Variants in MAD1L1 observed in about 807,000 individuals in gnomAD.
MAD1L1 encodes the protein mitotic arrest deficient 1 like 1.
A neutral mutation model predicts 96.9 loss-of-function variants in MAD1L1; 95 were observed. The observed-to-expected ratio is 0.98, with a 90% CI of 0.83 to 1.16. MAD1L1 has a LOEUF of 1.16. Among genes scored for constraint, MAD1L1 ranks in the 50% most tolerant of loss-of-function variants. MAD1L1 has a pLI of 0.00. For missense variants in MAD1L1, 1,007 were observed against 954.4 expected (o/e 1.06, Z -0.73); for synonymous variants, 473 against 396.6 (o/e 1.19, Z -2.29).
At chr7:1,929,744 C>A (rs1366457506) in intron 17 of MAD1L1, among the ~76,000 whole-genome samples, 1 of 141,846 alleles carries the variant, frequency 7.0e-6, no homozygotes, top group African/African-American at 2.5e-5. Flanking sequence ...CACGTCCCCT[C>A]GCCCCGTCCC....
chr7:2,125,105 C>T (rs951426682), intron 11 of MAD1L1, among the ~76,000 whole-genome samples: 2 of 152,226 alleles, frequency 1.3e-5, no homozygotes, highest in Non-Finnish European at 2.9e-5. Flanking sequence ...GCTGTCAGGG[C>T]TGCACTTTAC....
rs557974698 is a variant in MAD1L1, at chr7:2,041,595, C to T, written c.1219-26953G>A. 2.0e-5 allele frequency among the ~76,000 whole-genome samples: 3 copies of T among 152,290 alleles called. No individual in the cohort carries two copies. The East Asian group carries it at 5.8e-4, about 29-fold the overall frequency. ...CAGCTCTGTCCCCTGCTGTCAGCAG[C>T]GACTGAATAAAATCTGTTTTCTCCA... On this transcript the variant is annotated intron_variant, in intron 12 of 18. Coordinates refer to ENST00000265854, the MANE Select transcript of MAD1L1 (RefSeq NM_001013836.2).
intron 18 of MAD1L1, among the ~76,000 whole-genome samples, chr7:1,820,885 T>C (rs1782086538): frequency 6.6e-6 from 1 of 151,978 alleles, no homozygotes; most frequent in African/African-American, 2.4e-5. Flanking sequence ...ATCAAGACCA[T>C]CCTGGCTAAC....
intron 17 of MAD1L1, among the ~76,000 whole-genome samples, chr7:1,928,770 G>A (rs527471098): frequency 2.6e-5 from 4 of 152,332 alleles, no homozygotes; most frequent in African/African-American, 7.2e-5. Flanking sequence ...CGTAAACACA[G>A]GCCTGTGCCA....
At position 1,981,359 on chromosome 7, in the gene MAD1L1, C is replaced by T. The variant is rs139485487; in HGVS notation, c.1417-818G>A. Among the ~76,000 whole-genome samples, 620 of 152,262 alleles carry T rather than the reference C, an allele frequency of 4.1e-3. 5 individuals carry two copies. Among genetic ancestry groups the T allele is most frequent in the African/African-American group, 0.014 (567 of 41,548 alleles). On this transcript the variant is annotated intron_variant, in intron 14 of 18. Coordinates refer to ENST00000265854, the MANE Select transcript of MAD1L1 (RefSeq NM_001013836.2). Reference sequence around the variant, plus strand: ...GGAGGCCAGGAGCCAGAACGGACTGCGGGCTCAAGGAAGAGCAGGGCACAG... The same window carrying T: ...GGAGGCCAGGAGCCAGAACGGACTGTGGGCTCAAGGAAGAGCAGGGCACAG...
intron 17 of MAD1L1, among the ~76,000 whole-genome samples, chr7:1,936,325 C>T (rs1305523332): frequency 6.6e-6 from 1 of 152,246 alleles, no homozygotes; most frequent in African/African-American, 2.4e-5. Context: ...ATGAAGCACA[C>T]TTAAGCTGGT....
intron 5 of MAD1L1, among the ~76,000 whole-genome samples, chr7:2,219,701 G>GGGAGCAGA (rs1793492796): frequency 3.3e-5 from 5 of 150,964 alleles, no homozygotes; most frequent in Non-Finnish European, 7.4e-5. Context: ...AGAGGAGCAG[G>GGGAGCAGA]GGAGCAGAGG....
chr7:1,875,129 G>C (rs1055397484), intron 18 of MAD1L1, among the ~76,000 whole-genome samples: 3 of 152,130 alleles, frequency 2.0e-5, no homozygotes, highest in African/African-American at 7.2e-5. Flanking sequence ...GACGACTAAC[G>C]AGCAGCTCCC....
At chr7:2,183,506 T>C (rs1488118402) in intron 10 of MAD1L1, among the ~76,000 whole-genome samples, 7 of 152,150 alleles carry the variant, frequency 4.6e-5, no homozygotes, top group African/African-American at 1.4e-4. Context: ...CCAACCCAAA[T>C]GTCCAACAAT....
At chr7:1,892,573 T>G (rs1257394575) in intron 18 of MAD1L1, among the ~76,000 whole-genome samples, 1 of 152,150 alleles carries the variant, frequency 6.6e-6, no homozygotes, top group African/African-American at 2.4e-5. Flanking sequence ...TTCCTTTGAG[T>G]GACAGACCCA....
At chr7:1,950,357 G>C (rs879765491) in intron 16 of MAD1L1, among the ~76,000 whole-genome samples, 16 of 152,090 alleles carry the variant, frequency 1.1e-4, no homozygotes, top group African/African-American at 3.4e-4. Context: ...TGCACGTCCC[G>C]CGCCACCTCG....
intron 15 of MAD1L1, among the ~76,000 whole-genome samples, chr7:1,967,669 G>C (rs2128478104): frequency 6.6e-6 from 1 of 152,344 alleles, no homozygotes; most frequent in African/African-American, 2.4e-5. Context: ...AGCTGGGGCA[G>C]AGGACACGAG....
chr7:1,893,730 A>G (rs1346882643), intron 18 of MAD1L1, among the ~76,000 whole-genome samples: 1 of 152,210 alleles, frequency 6.6e-6, no homozygotes, highest in Non-Finnish European at 1.5e-5. Context: ...CCCAGACCAC[A>G]TTCCTCATGA....
chr7:2,121,164 C>A (rs546484759), intron 11 of MAD1L1, among the ~76,000 whole-genome samples: 1 of 152,242 alleles, frequency 6.6e-6, no homozygotes, highest in Non-Finnish European at 1.5e-5. Flanking sequence ...GGCTCTGGGG[C>A]CCTTCCCGCC....
At chr7:2,134,281 C>G (rs1328042861) in intron 11 of MAD1L1, among the ~76,000 whole-genome samples, 1 of 152,176 alleles carries the variant, frequency 6.6e-6, no homozygotes, top group Non-Finnish European at 1.5e-5. Context: ...GTGTTGATTT[C>G]AAATTCCCTC....
chr7:2,219,220 T>A, intron 6 of MAD1L1, 112 bp downstream of exon 6: 1 of 1,032,110 alleles, frequency 9.7e-7, no homozygotes, highest in African/African-American at 1.6e-5. Context: ...GTCTGTGAAT[T>A]AGGACAGCAT....
intron 14 of MAD1L1, among the ~76,000 whole-genome samples, chr7:1,982,542 G>C (rs770404597): frequency 6.6e-6 from 1 of 152,178 alleles, no homozygotes; most frequent in African/African-American, 2.4e-5. Context: ...CTTTGTATAC[G>C]TGATTTTAAA....
intron 11 of MAD1L1, among the ~76,000 whole-genome samples, chr7:2,122,252 T>A (rs140982373): frequency 3.7e-4 from 57 of 152,336 alleles, no homozygotes; most frequent in African/African-American, 1.3e-3. Flanking sequence ...GTCAGACCTG[T>A]CCACCTCGTG....
intron 3 of MAD1L1, 152 bp downstream of exon 3, chr7:2,229,832 T>C (rs1488063346): frequency 2.4e-6 from 2 of 817,632 alleles, no homozygotes; most frequent in South Asian, 2.1e-5. Context: ...GACCCCAAAA[T>C]GAGGAGTGCC....
Sources: allele counts gnomAD v4.1 joint callset (sites outside exome capture counted in the v4.1 genomes callset), GRCh38; gene constraint gnomAD v4.1.1; transcripts MANE v1.5; gene names NCBI Gene and HGNC (gene_info 2026-07-23, HGNC 2026-07-21).